The following LCMT1 variants were observed in gnomAD, a reference collection of about 807,000 sequenced individuals.
LCMT1 encodes leucine carboxyl methyltransferase 1.
LCMT1 carries 32 observed loss-of-function variants against 47.7 expected under a neutral mutation model. The observed-to-expected ratio is 0.67, with a 90% confidence interval of 0.51 to 0.90. The LOEUF is 0.90. LCMT1 is among the 40% of genes least tolerant of loss of function. The pLI is 0.00. For synonymous variants in LCMT1, 152 were observed against 149.7 expected (o/e 1.02, Z -0.11); for missense variants, 375 against 415.2 (o/e 0.90, Z 0.84).
intron 1 of LCMT1, among the ~76,000 whole-genome samples, chr16:25,120,905 G>GGC (rs1959964630): frequency 6.7e-6 from 1 of 149,956 alleles, no homozygotes; most frequent in Admixed American, 6.6e-5. Context: ...TGCATCACCA[G>GGC]GCCTGGCTGA....
At chr16:25,124,351 G>A (rs1411114139) in intron 1 of LCMT1, among the ~76,000 whole-genome samples, 1 of 152,170 alleles carries the variant, frequency 6.6e-6, no homozygotes. Flanking sequence ...GAAAAAACAA[G>A]TGTGTATGGG....
intron 4 of LCMT1, chr16:25,146,198 G>T (rs968632279): frequency 2.0e-5 from 3 of 152,294 alleles, no homozygotes; most frequent in Non-Finnish European, 2.9e-5. Context: ...AATAGGCTGG[G>T]TCAGGACCGA....
intron 1 of LCMT1, among the ~76,000 whole-genome samples, chr16:25,112,287 G>C (rs1959645483): frequency 6.6e-6 from 1 of 152,238 alleles, no homozygotes; most frequent in Non-Finnish European, 1.5e-5. Context: ...AACGCTGCTG[G>C]AAAGACAGAC....
chr16:25,126,308 C>T (rs1178913319), intron 1 of LCMT1, among the ~76,000 whole-genome samples: 1 of 152,266 alleles, frequency 6.6e-6, no homozygotes, highest in African/African-American at 2.4e-5. Context: ...CTGCTTCTCC[C>T]TCTGGCCTCC....
chr16:25,160,986 A>ATTTT (rs11408755), intron 5 of LCMT1, 116 bp from the exon 6 acceptor site: 4 of 505,662 alleles, frequency 7.9e-6, no homozygotes, highest in African/African-American at 3.9e-5. Context: ...CCTCTTACGT[A>ATTTT]TTTTTTTTTT....
chr16:25,132,300 C>G (rs559383490), intron 2 of LCMT1, 102 bp from the exon 3 acceptor site: 1 of 1,373,208 alleles, frequency 7.3e-7, no homozygotes, highest in East Asian at 2.3e-5. Flanking sequence ...TGCAGAAGGG[C>G]GCATGCTCTC....
intron 7 of LCMT1, among the ~76,000 whole-genome samples, chr16:25,166,128 G>A (rs1314881253): frequency 6.6e-6 from 1 of 151,908 alleles, no homozygotes; most frequent in African/African-American, 2.4e-5. Context: ...AAATTAGCCA[G>A]GCATGGTGGC....
intron 10 of LCMT1, among the ~76,000 whole-genome samples, chr16:25,176,817 C>G (rs1199277658): frequency 1.3e-5 from 2 of 150,510 alleles, no homozygotes. Context: ...CTGGCTCGGC[C>G]CCCCAAAGTG....
At chr16:25,176,155 T>C (rs1262203941) in intron 10 of LCMT1, among the ~76,000 whole-genome samples, 2 of 152,118 alleles carry the variant, frequency 1.3e-5, no homozygotes, top group Non-Finnish European at 2.9e-5. Context: ...CAGGCGTGGA[T>C]CTATCTCTGT....
In LCMT1 at chr16:25,153,321, C is replaced by G. The variant is rs1274638316; in HGVS notation, c.466+1706C>G. 1.3e-5 allele frequency among the ~76,000 whole-genome samples: 2 copies of G among 152,190 alleles called. 1 individual carries two copies. The highest frequency in any genetic ancestry group is 3.8e-4 in the East Asian group (2 of 5,206). Reference sequence around the variant, plus strand: ...GGGTACTTTATAAAAAGAACAGAGACTTAGTACAGTTCTGGAAGCTGAGAA... The same window carrying G: ...GGGTACTTTATAAAAAGAACAGAGAGTTAGTACAGTTCTGGAAGCTGAGAA... On this transcript the variant is annotated intron_variant, in intron 5 of 10. Coordinates refer to ENST00000399069, the MANE Select transcript of LCMT1 (RefSeq NM_016309.3).
At chr16:25,129,080 T>C (rs1406102613) in intron 2 of LCMT1, among the ~76,000 whole-genome samples, 1 of 150,488 alleles carries the variant, frequency 6.6e-6, no homozygotes, top group Non-Finnish European at 1.5e-5. Context: ...ATGCGGTGTT[T>C]GGTTTTCTGT....
chr16:25,144,398 G>T (rs1009559572), intron 4 of LCMT1: 2 of 152,152 alleles, frequency 1.3e-5, no homozygotes, highest in Admixed American at 6.6e-5. Context: ...TGCCTTTTGG[G>T]TCTCCCTCCA....
intron 1 of LCMT1, among the ~76,000 whole-genome samples, chr16:25,116,705 ACCT>A (rs1186804285): frequency 1.5e-5 from 2 of 134,936 alleles, no homozygotes; most frequent in East Asian, 4.3e-4. Flanking sequence ...ACATGGAGAA[ACCT>A]CCTCTCCACA....
chr16:25,115,367 G>A (rs971490586), intron 1 of LCMT1, among the ~76,000 whole-genome samples: 2 of 152,172 alleles, frequency 1.3e-5, no homozygotes, highest in African/African-American at 4.8e-5. Context: ...GACCCAAAAT[G>A]CTGGTTTAAC....
intron 5 of LCMT1, among the ~76,000 whole-genome samples, chr16:25,154,648 G>T (rs982167559): frequency 6.6e-6 from 1 of 151,680 alleles, no homozygotes; most frequent in Non-Finnish European, 1.5e-5. Flanking sequence ...CACCACGCCC[G>T]GCTAATTTTT....
In LCMT1 at chr16:25,169,214, G is replaced by A. The variant is rs766046641; in HGVS notation, c.792+1G>A. Reference sequence around the variant, plus strand: ...GACCTGCAAGTCATTAGAGTCACAGGTCAGAGAGCAGGGACTGGGATATCC... The same window carrying A: ...GACCTGCAAGTCATTAGAGTCACAGATCAGAGAGCAGGGACTGGGATATCC... On this transcript the variant is annotated splice_donor_variant, in intron 8 of 10. Transcript: ENST00000399069. LOFTEE classifies it high-confidence loss of function. The A allele has an allele frequency of 6.3e-7, 1 of 1,590,820 alleles. No individual in the cohort carries two copies. The highest frequency in any genetic ancestry group is 8.6e-7 in the Non-Finnish European group (1 of 1,159,130).
intron 4 of LCMT1, chr16:25,142,514 AG>A (rs1960724667): frequency 6.6e-6 from 1 of 152,176 alleles, no homozygotes; most frequent in Non-Finnish European, 1.5e-5. Context: ...AGCCCCTCTG[AG>A]CCTGGGGATG....
chr16:25,131,251 T>A (rs1047624763), intron 2 of LCMT1, among the ~76,000 whole-genome samples: 4 of 152,224 alleles, frequency 2.6e-5, no homozygotes, highest in Non-Finnish European at 4.4e-5. Flanking sequence ...TATTTTGCAT[T>A]CCCTCCCCTG....
At chr16:25,170,552 C>T (rs192308252) in intron 8 of LCMT1, among the ~76,000 whole-genome samples, 162 bp from the exon 9 acceptor site, 48 of 151,940 alleles carry the variant, frequency 3.2e-4, no homozygotes, top group African/African-American at 1.1e-3. Context: ...ATCGCTTGAG[C>T]CCGGTGGGTC....
Sources: allele counts gnomAD v4.1 joint callset (sites outside exome capture counted in the v4.1 genomes callset), GRCh38; gene constraint gnomAD v4.1.1; transcripts MANE v1.5; gene names NCBI Gene and HGNC (gene_info 2026-07-23, HGNC 2026-07-21).